The following TBC1D14 variants were observed in gnomAD, a reference collection of about 807,000 sequenced individuals.
TBC1D14 encodes TBC1 domain family member 14, also known as TBC1 domain family, member 14.
In TBC1D14, 26 loss-of-function variants were observed where a neutral mutation model predicts 79.0. The observed-to-expected ratio is 0.33, with a 90% CI of 0.24 to 0.46. The LOEUF (loss-of-function observed/expected upper bound fraction) is 0.46. Ranked by LOEUF, TBC1D14 falls within the 20% of genes least tolerant of loss-of-function variation. The pLI is 1.00. For missense variants in TBC1D14, 769 were observed against 887.6 expected, an observed-to-expected ratio of 0.87 and a Z score of 1.70; for synonymous variants, 394 against 349.9, an observed-to-expected ratio of 1.13 and a Z score of -1.40.
At chr4:6,998,028 T>C (rs1474865098) in intron 5 of TBC1D14, among the ~76,000 whole-genome samples, 1 of 152,184 alleles carries the variant, frequency 6.6e-6, no homozygotes, top group African/African-American at 2.4e-5. Context: ...AAAAAGTATA[T>C]GTAAACTAAA....
At chr4:6,925,744 T>G (rs10025565) in intron 2 of TBC1D14, among the ~76,000 whole-genome samples, 139,563 of 152,118 alleles carry the variant, frequency 0.92, 64,886 homozygotes, top group East Asian at 1. Context: ...CTATCCCTTC[T>G]GAGGCTGTAG....
chr4:7,006,608 A>T, intron 8 of TBC1D14, 24 bp from the exon 9 acceptor site: 2 of 1,606,876 alleles, frequency 1.2e-6, no homozygotes, highest in Admixed American at 3.4e-5. Context: ...GAGGAATGTA[A>T]TTATTTTTGG....
chr4:7,024,470 A>T (rs1270960150), intron 12 of TBC1D14, among the ~76,000 whole-genome samples: 1 of 152,180 alleles, frequency 6.6e-6, no homozygotes, highest in African/African-American at 2.4e-5. Context: ...GTTGGAATTC[A>T]GCAGAGATTG....
At chr4:6,951,016 G>A (rs1311262948) in intron 2 of TBC1D14, among the ~76,000 whole-genome samples, 1 of 152,184 alleles carries the variant, frequency 6.6e-6, no homozygotes, top group Non-Finnish European at 1.5e-5. Context: ...CTGAGTGGGC[G>A]CAGTGGCTCA....
Position 7,005,076 on chromosome 4 carries a change from T to C in TBC1D14, c.1351+152T>C, listed in dbSNP as rs1034172824. The stretch of plus-strand genomic sequence containing the variant: ...GAAAAGGGTTTTTTTTGTTTTGTTT[T>C]TTTTAGCAAAAATTAAAGGTAAAAA... On this transcript the variant is annotated intron_variant, in intron 8 of 13. Transcript: ENST00000409757. 4 of 775,578 alleles carry C rather than the reference T, an allele frequency of 5.2e-6. No individual in the cohort carries two copies. In the African/African-American group the frequency reaches 7.0e-5, roughly 14 times the overall value. The allele number at this position is 775,578 out of a possible 1,614,324, so 48.0% of individuals were successfully genotyped here.
chr4:7,012,194 C>T (rs559528197), intron 11 of TBC1D14, among the ~76,000 whole-genome samples: 2 of 151,316 alleles, frequency 1.3e-5, no homozygotes, highest in South Asian at 2.1e-4. Flanking sequence ...CCCAGCTAGT[C>T]GGGAGACTGA....
chr4:6,974,613 A>C (rs1285560910), intron 3 of TBC1D14, among the ~76,000 whole-genome samples: 6 of 152,170 alleles, frequency 3.9e-5, no homozygotes, highest in Non-Finnish European at 8.8e-5. Flanking sequence ...AGCGCTTCAA[A>C]GGCTTTGAAA....
At chr4:7,018,519 C>T (rs1320860545) in intron 12 of TBC1D14, among the ~76,000 whole-genome samples, 1 of 152,226 alleles carries the variant, frequency 6.6e-6, no homozygotes, top group East Asian at 1.9e-4. Context: ...TCTGTGTCCC[C>T]AGTGCCTGGC....
chr4:6,950,562 T>G lies in TBC1D14; in HGVS notation c.723-16742T>G, dbSNP rs1183429686. ...CATAGGATACCTTTTATCAGATACC[T>G]TACTCTTTATTAGATACCTTTATTA... On this transcript the variant is annotated intron_variant, in intron 2 of 13. Transcript: ENST00000409757. Among the ~76,000 whole-genome samples the G allele has an allele frequency of 2.5e-4, 33 of 131,068 alleles. No homozygotes were observed. In the Admixed American group the frequency reaches 2.7e-3, roughly 11 times the overall value. The allele number at this position is 131,068 out of a possible 152,430, so 86.0% of individuals were successfully genotyped here.
intron 7 of TBC1D14, among the ~76,000 whole-genome samples, chr4:7,003,840 A>T (rs1479447836): frequency 4.0e-5 from 6 of 151,662 alleles, no homozygotes; most frequent in African/African-American, 9.7e-5. Flanking sequence ...CATCTCTACT[A>T]AAAAAAATAA....
chr4:6,911,505 C>T (rs1273230155), intron 1 of TBC1D14, among the ~76,000 whole-genome samples: 2 of 152,190 alleles, frequency 1.3e-5, no homozygotes, highest in African/African-American at 2.4e-5. Context: ...GAGTTTTCAC[C>T]GTCTGCCCCC....
chr4:7,029,919 A>G (rs1722871588), intron 13 of TBC1D14, among the ~76,000 whole-genome samples: 1 of 152,242 alleles, frequency 6.6e-6, no homozygotes, highest in African/African-American at 2.4e-5. Flanking sequence ...AAGAGGAACC[A>G]GTGCCTTGAG....
At chr4:7,000,579 G>C (rs577107386) in intron 6 of TBC1D14, among the ~76,000 whole-genome samples, 1 of 152,220 alleles carries the variant, frequency 6.6e-6, no homozygotes, top group African/African-American at 2.4e-5. Flanking sequence ...TGTGTGTTCC[G>C]TGTCCCAGCA....
intron 2 of TBC1D14, among the ~76,000 whole-genome samples, chr4:6,947,206 A>T (rs955199682): frequency 6.6e-6 from 1 of 152,066 alleles, no homozygotes; most frequent in African/African-American, 2.4e-5. Flanking sequence ...TACTAAAAAT[A>T]AAAAAATTAG....
intron 2 of TBC1D14, among the ~76,000 whole-genome samples, chr4:6,966,606 G>T (rs997868912): frequency 6.6e-6 from 1 of 152,210 alleles, no homozygotes; most frequent in African/African-American, 2.4e-5. Flanking sequence ...ACATGGGGCA[G>T]TGTGCCCTTG....
intron 9 of TBC1D14, 56 bp downstream of exon 9, chr4:7,006,782 C>A: frequency 6.6e-7 from 1 of 1,521,598 alleles, no homozygotes. Flanking sequence ...TTCATAGATG[C>A]TGAACTGTGT....
intron 8 of TBC1D14, 44 bp from the exon 9 acceptor site, chr4:7,006,588 T>C (rs765940025): frequency 6.4e-7 from 1 of 1,562,764 alleles, no homozygotes; most frequent in South Asian, 1.1e-5. Flanking sequence ...TGTCCTACAT[T>C]CGTGCCCTTG....
intron 2 of TBC1D14, among the ~76,000 whole-genome samples, chr4:6,925,165 C>T (rs546488181): frequency 2.6e-5 from 4 of 152,228 alleles, no homozygotes; most frequent in South Asian, 4.2e-4. Flanking sequence ...TGGTGGTGCA[C>T]GCCTGTATTC....
intron 1 of TBC1D14, among the ~76,000 whole-genome samples, chr4:6,912,131 C>T (rs975802904): frequency 1.3e-5 from 2 of 152,122 alleles, no homozygotes; most frequent in Non-Finnish European, 2.9e-5. Context: ...TGGCTCATGC[C>T]TGTAAACCCA....
Sources: gnomAD v4.1 joint callset for allele counts (sites outside exome capture counted in the v4.1 genomes callset) on GRCh38, gnomAD v4.1.1 for gene constraint, MANE v1.5 for transcripts, NCBI Gene and HGNC (gene_info 2026-07-23, HGNC 2026-07-21) for gene names.